CACNG4: variants seen among roughly 807,000 people sequenced by gnomAD.
The protein encoded by CACNG4 is voltage-dependent calcium channel gamma-4 subunit.
In CACNG4, 8 loss-of-function variants were observed where a neutral mutation model predicts 22.9. That is an observed-to-expected ratio of 0.35 (90% CI 0.21 to 0.63). The LOEUF is 0.63. Ranked by LOEUF, CACNG4 falls within the 30% of genes least tolerant of loss-of-function variation. The probability of loss-of-function intolerance (pLI) is 0.72; values close to 1 mark genes in which losing one functional copy is unlikely to be tolerated. For missense variants in CACNG4, 357 were observed against 455.4 expected, an observed-to-expected ratio of 0.78 and a Z score of 1.97; for synonymous variants, 188 against 191.9, an observed-to-expected ratio of 0.98 and a Z score of 0.17.
At chr17:66,965,160 C>CCA (rs55909537) in intron 1 of CACNG4, 29 bp downstream of exon 1, 30,639 of 842,072 alleles carry the variant, frequency 0.036, 266 homozygotes, top group African/African-American at 0.086. Flanking sequence ...CCTCGCCGCC[C>CCA]CACACACACA....
At chr17:66,993,905 C>T (rs1050053768) in intron 1 of CACNG4, among the ~76,000 whole-genome samples, 1 of 152,172 alleles carries the variant, frequency 6.6e-6, no homozygotes, top group Non-Finnish European at 1.5e-5. Flanking sequence ...AGGCGTGAGC[C>T]ATCACACCCG....
chr17:67,030,391 C>A lies in CACNG4; in HGVS notation c.446-75C>A. Reference sequence around the variant, plus strand: ...GAGTGTCCACCTGTTCCCTACACTGCCCGTCCCACTGTGGGTCTAACCTCT... The same window carrying A: ...GAGTGTCCACCTGTTCCCTACACTGACCGTCCCACTGTGGGTCTAACCTCT... On this transcript the variant is annotated intron_variant, in intron 3 of 3. Transcript: ENST00000262138. This position sits in a 1 kb window ranked among gnomAD's most constrained non-coding sequence, Gnocchi z 6.4. 1 of 1,293,334 alleles carries A rather than the reference C, an allele frequency of 7.7e-7. No homozygotes were observed. The highest frequency in any genetic ancestry group is 1.1e-6 in the Non-Finnish European group (1 of 909,438). The allele number at this position is 1,293,334 out of a possible 1,614,324, so 80.1% of individuals were successfully genotyped here. A position where few individuals can be genotyped will look rare whatever the true frequency, so the allele number is the denominator to read the frequency against.
chr17:66,986,886 T>C (rs1005078721), intron 1 of CACNG4, among the ~76,000 whole-genome samples: 8 of 152,218 alleles, frequency 5.3e-5, no homozygotes, highest in African/African-American at 1.9e-4. Context: ...CTATACTACA[T>C]CTGTAATGAC....
rs1041966676 is a variant in CACNG4, at chr17:66,973,270, A to G, written c.220+8139A>G. 2.6e-5 allele frequency among the ~76,000 whole-genome samples: 4 copies of G among 151,590 alleles called. 1 individual carries two copies. In the South Asian group the frequency reaches 6.2e-4, roughly 24 times the overall value. ...AAAAAAAAGCGAAAGCACATGTAAC[A>G]TAAGTGGGGGAAGCGATCCTATCAA... On this transcript the variant is annotated intron_variant, in intron 1 of 3. Transcript: ENST00000262138.
In CACNG4 at chr17:66,964,919, G is replaced by A. The variant is rs1364390557; in HGVS notation, c.8G>A (p.Arg3Gln). 1.2e-5 allele frequency: 19 copies of A among 1,556,900 alleles called. No individual in the cohort carries two copies. Among genetic ancestry groups the A allele is most frequent in the Middle Eastern group, 1.8e-4 (1 of 5,468 alleles). ...GACTATGAGGCGCCCACCATGGTGC[G>A]ATGCGACCGCGGGCTGCAGATGCTG... is the stretch of plus-strand genomic sequence containing the variant. MV[R>Q]CDRGLQMLLT... Residue 3 changes from arginine to glutamine, a missense_variant, in exon 1 of 4, where the codon CGA (arginine) becomes CAA (glutamine). By Grantham distance (43) the Arg-to-Gln change is conservative (BLOSUM62 1). This residue lies in a region of CACNG4 where 114 missense variants were observed against 161.6 expected (regional missense o/e 0.71). Transcript: ENST00000262138.
At chr17:67,026,444 A>C (rs914197003) in intron 3 of CACNG4, among the ~76,000 whole-genome samples, 2 of 131,692 alleles carry the variant, frequency 1.5e-5, no homozygotes, top group Admixed American at 7.6e-5. Flanking sequence ...TATTTGAGGA[A>C]TGTGGTGTAT....
intron 1 of CACNG4, among the ~76,000 whole-genome samples, chr17:66,968,438 C>G (rs1407517498): frequency 2.7e-5 from 4 of 146,618 alleles, no homozygotes; most frequent in African/African-American, 1.0e-4. Context: ...CCTCTCTTCT[C>G]CCCTCCTCCC....
intron 1 of CACNG4, among the ~76,000 whole-genome samples, chr17:66,970,297 A>T (rs1056522393): frequency 2.0e-5 from 3 of 152,150 alleles, no homozygotes; most frequent in Non-Finnish European, 4.4e-5. Flanking sequence ...AGGGGCAGGT[A>T]AGGGGGTTGT....
Position 66,965,222 on chromosome 17 carries a change from A to G in CACNG4, c.220+91A>G, listed in dbSNP as rs1352947381. 35 of 673,682 alleles carry G rather than the reference A, an allele frequency of 5.2e-5. No individual in the cohort carries two copies. The East Asian group carries it at 9.6e-4, about 19-fold the overall frequency. 41.7% of individuals were successfully genotyped at this position (673,682 alleles called of 1,614,324 possible). ...CGCGCGCGCGCGCGCGCACACACACACACGCGCACACACTGCCCGGCGCGC... is the reference window on the plus strand; with the variant it reads ...CGCGCGCGCGCGCGCGCACACACACGCACGCGCACACACTGCCCGGCGCGC... On this transcript the variant is annotated intron_variant, in intron 1 of 3. Transcript: ENST00000262138.
intron 1 of CACNG4, among the ~76,000 whole-genome samples, chr17:66,972,959 A>G (rs941159732): frequency 6.7e-6 from 1 of 150,360 alleles, no homozygotes; most frequent in Non-Finnish European, 1.5e-5. Context: ...AACAAAAAAA[A>G]CAGAGGCCAG....
rs1298103911 is a variant in CACNG4 at position 66,964,721 on chromosome 17, C to T, written c.-191C>T. On this transcript the variant is annotated 5_prime_UTR_variant, in exon 1 of 4. Transcript: ENST00000262138. The stretch of plus-strand genomic sequence containing the variant: ...GCGCAGCCCGCACTCGTCGCCGCGC[C>T]TCGGAGTTTGAGCCCCAGCGCTGCC... Among the ~76,000 whole-genome samples, 9 of 145,750 alleles carry T rather than the reference C, an allele frequency of 6.2e-5. No homozygotes were observed. The East Asian group carries it at 1.6e-3, about 26-fold the overall frequency.
intron 1 of CACNG4, among the ~76,000 whole-genome samples, chr17:66,981,114 A>G (rs2035269713): frequency 6.6e-6 from 1 of 152,140 alleles, no homozygotes; most frequent in Admixed American, 6.5e-5. Flanking sequence ...ATGTCCATCA[A>G]TGCAGAGACA....
chr17:66,967,573 G>T (rs117761632), intron 1 of CACNG4, among the ~76,000 whole-genome samples: 4 of 152,274 alleles, frequency 2.6e-5, no homozygotes, highest in African/African-American at 7.2e-5. Flanking sequence ...CTGGGGACAC[G>T]GAGGGAGGGT....
chr17:66,998,438 A>G (rs2035388134), intron 1 of CACNG4, among the ~76,000 whole-genome samples: 1 of 152,110 alleles, frequency 6.6e-6, no homozygotes, highest in African/African-American at 2.4e-5. Flanking sequence ...TCCTGAACTC[A>G]AGCAATCCTC....
At chr17:66,982,021 T>G (rs576852872) in intron 1 of CACNG4, among the ~76,000 whole-genome samples, 5 of 152,188 alleles carry the variant, frequency 3.3e-5, no homozygotes, top group Non-Finnish European at 7.4e-5. Flanking sequence ...CAGAGTTGAT[T>G]CATTCTGATA....
intron 1 of CACNG4, among the ~76,000 whole-genome samples, chr17:66,992,131 C>CG (rs1198501430): frequency 6.8e-6 from 1 of 146,680 alleles, no homozygotes; most frequent in Non-Finnish European, 1.5e-5. Flanking sequence ...TGTCATGTCA[C>CG]GGGGTACCTG....
At chr17:67,021,107 G>A (rs1407208059) in intron 2 of CACNG4, among the ~76,000 whole-genome samples, 1 of 152,146 alleles carries the variant, frequency 6.6e-6, no homozygotes, top group Non-Finnish European at 1.5e-5. Context: ...AGGCTAAGGT[G>A]GGCGGATCAT....
chr17:67,012,977 C>T (rs552213349), intron 1 of CACNG4, among the ~76,000 whole-genome samples: 1 of 152,194 alleles, frequency 6.6e-6, no homozygotes, highest in African/African-American at 2.4e-5. Flanking sequence ...GCAAGTTGCC[C>T]TCTGACATGC....
intron 1 of CACNG4, among the ~76,000 whole-genome samples, chr17:66,974,409 T>C (rs2035223418): frequency 6.6e-6 from 1 of 152,118 alleles, no homozygotes; most frequent in Non-Finnish European, 1.5e-5. Context: ...AAAGGCAGCA[T>C]GGGGTAGGGG....
Sources: allele counts gnomAD v4.1 joint callset (sites outside exome capture counted in the v4.1 genomes callset), GRCh38; gene constraint gnomAD v4.1.1; regional missense constraint gnomAD v4.1.1; non-coding constraint Gnocchi (gnomAD v3.1); transcripts MANE v1.5; gene names NCBI Gene and HGNC (gene_info 2026-07-23, HGNC 2026-07-21).